Variants in FBXO4 observed in about 807,000 individuals in gnomAD.
FBXO4 encodes F-box protein 4, also known as F-box only protein 4.
In FBXO4, 36 loss-of-function variants were observed where a neutral mutation model predicts 43.7. That is an observed-to-expected ratio of 0.82 (90% confidence interval 0.63 to 1.09). The LOEUF (loss-of-function observed/expected upper bound fraction) is 1.09. Ranked by LOEUF, FBXO4 falls within the 50% of genes least tolerant of loss-of-function variation. The probability of loss-of-function intolerance (pLI) is 0.00; values close to 1 mark genes in which losing one functional copy is unlikely to be tolerated. For missense variants in FBXO4, 435 were observed against 474.1 expected (o/e 0.92, Z 0.77); for synonymous variants, 180 against 165.6 (o/e 1.09, Z -0.67).
chr5:41,966,551 G>T, the FBXO4 span, among the ~76,000 whole-genome samples: 821 of 152,268 alleles, frequency 5.4e-3, 3 homozygotes, highest in Admixed American at 0.011. Flanking sequence ...CTTTCCCAAT[G>T]ACTGACTAAA....
At chr5:42,029,143 C>G in the FBXO4 span, among the ~76,000 whole-genome samples, 1 of 151,962 alleles carries the variant, frequency 6.6e-6, no homozygotes, top group Non-Finnish European at 1.5e-5. Flanking sequence ...TTGACGAAAT[C>G]CCTCAGCTTA....
the FBXO4 span, among the ~76,000 whole-genome samples, chr5:41,989,149 T>C: frequency 1.3e-5 from 2 of 152,184 alleles, no homozygotes; most frequent in African/African-American, 2.4e-5. Context: ...GAACCTGATA[T>C]ATCCCTTTTA....
the FBXO4 span, among the ~76,000 whole-genome samples, chr5:42,029,593 C>T: frequency 6.6e-6 from 1 of 151,762 alleles, no homozygotes; most frequent in Non-Finnish European, 1.5e-5. Flanking sequence ...CATCTTGAGG[C>T]TATTTTATAG....
At chr5:41,986,201 T>C in the FBXO4 span, among the ~76,000 whole-genome samples, 1 of 152,152 alleles carries the variant, frequency 6.6e-6, no homozygotes, top group Non-Finnish European at 1.5e-5. Flanking sequence ...TCCACCTACA[T>C]TGTGATATAA....
At chr5:41,965,646 T>A in the FBXO4 span, among the ~76,000 whole-genome samples, 1 of 152,122 alleles carries the variant, frequency 6.6e-6, no homozygotes, top group Non-Finnish European at 1.5e-5. Flanking sequence ...AGAATGGCGA[T>A]CATTAAAAAG....
chr5:41,956,373 G>A, the FBXO4 span, among the ~76,000 whole-genome samples: 2 of 152,178 alleles, frequency 1.3e-5, no homozygotes, highest in Non-Finnish European at 2.9e-5. Flanking sequence ...ATAAATGATT[G>A]TTGAACTTGA....
chr5:42,021,006 A>G, the FBXO4 span, among the ~76,000 whole-genome samples: 1 of 152,170 alleles, frequency 6.6e-6, no homozygotes, highest in Non-Finnish European at 1.5e-5. Flanking sequence ...TAGAAGCATG[A>G]CATGAAGTGA....
chr5:41,929,265 C>G (rs751196682), intron 2 of FBXO4, among the ~76,000 whole-genome samples: 3 of 152,164 alleles, frequency 2.0e-5, no homozygotes, highest in African/African-American at 7.2e-5. Flanking sequence ...TTAGCAGCAT[C>G]CTTGGCCTCT....
chr5:41,984,742 C>T, the FBXO4 span, among the ~76,000 whole-genome samples: 1 of 152,126 alleles, frequency 6.6e-6, no homozygotes, highest in Non-Finnish European at 1.5e-5. Context: ...AAATCCTGAC[C>T]TCGAGTGATT....
At chr5:41,931,592 A>G (rs1751689384) in intron 3 of FBXO4, among the ~76,000 whole-genome samples, 1 of 152,212 alleles carries the variant, frequency 6.6e-6, no homozygotes, top group Non-Finnish European at 1.5e-5. Context: ...TTTTAGCTAT[A>G]TCTGTGGTGC....
At chr5:41,992,792 T>TA in the FBXO4 span, among the ~76,000 whole-genome samples, 4 of 152,238 alleles carry the variant, frequency 2.6e-5, no homozygotes, top group Non-Finnish European at 2.9e-5. Flanking sequence ...ATTTCTAGAA[T>TA]AAAAACAAAT....
the FBXO4 span, among the ~76,000 whole-genome samples, chr5:42,033,382 T>A: frequency 3.9e-5 from 6 of 152,174 alleles, no homozygotes; most frequent in Non-Finnish European, 7.4e-5. Flanking sequence ...TGGTGATGTT[T>A]TTTTAAAATT....
At chr5:42,010,309 T>C in the FBXO4 span, among the ~76,000 whole-genome samples, 1 of 151,782 alleles carries the variant, frequency 6.6e-6, no homozygotes, top group African/African-American at 2.4e-5. Context: ...ACCAGCCTGG[T>C]CAAGATGGTG....
downstream of FBXO4, among the ~76,000 whole-genome samples, chr5:41,943,568 C>T (rs1238258626): frequency 6.6e-6 from 1 of 151,966 alleles, no homozygotes; most frequent in Non-Finnish European, 1.5e-5. Context: ...ATGGGTTTTT[C>T]AATGTCACTC....
chr5:42,009,593 T>C, the FBXO4 span, among the ~76,000 whole-genome samples: 48,337 of 152,064 alleles, frequency 0.32, 9,446 homozygotes, highest in Non-Finnish European at 0.43. Flanking sequence ...TTTCTGACTT[T>C]AAATAAAATG....
At chr5:41,946,867 T>A in the FBXO4 span, among the ~76,000 whole-genome samples, 4 of 152,210 alleles carry the variant, frequency 2.6e-5, no homozygotes, top group Admixed American at 2.6e-4. Flanking sequence ...TGAAATGCAA[T>A]GGTACAAAAG....
chr5:41,954,432 A>G, the FBXO4 span, among the ~76,000 whole-genome samples: 1 of 152,168 alleles, frequency 6.6e-6, no homozygotes, highest in Admixed American at 6.6e-5. Context: ...TGAAATATGA[A>G]TTTTCAATTA....
chr5:41,981,738 T>C, the FBXO4 span, among the ~76,000 whole-genome samples: 1 of 151,250 alleles, frequency 6.6e-6, no homozygotes, highest in Admixed American at 6.6e-5. Flanking sequence ...TTTTTTTTTT[T>C]GCTTTTTTAA....
chr5:41,925,388 ATCC>A lies in FBXO4; in HGVS notation c.82_84del (p.Leu28del). 7.2e-7 allele frequency: 1 copy of A among 1,387,378 alleles called. No homozygotes were observed. Among genetic ancestry groups the A allele is most frequent in the Non-Finnish European group, 9.4e-7 (1 of 1,066,974 alleles). The allele number at this position is 1,387,378 out of a possible 1,614,324, so 85.9% of individuals were successfully genotyped here. On this transcript the variant is annotated inframe_deletion, in exon 1 of 7. Coordinates refer to ENST00000281623, the MANE Select transcript of FBXO4 (RefSeq NM_012176.3). ...CGACTGGGGCCGCCTGGAGGCGGCC[ATCC>A]TCAGCGGCTGGAAGACCTTCTGGCA... is the stretch of plus-strand genomic sequence containing the variant.
Sources: allele counts gnomAD v4.1 joint callset (sites outside exome capture counted in the v4.1 genomes callset), GRCh38; gene constraint gnomAD v4.1.1; transcripts MANE v1.5; gene names NCBI Gene and HGNC (gene_info 2026-07-23, HGNC 2026-07-21).